The following KIF1A variants were observed in gnomAD, a reference collection of about 807,000 sequenced individuals.
KIF1A encodes the protein kinesin-like protein KIF1A.
Under a neutral mutation model 227.3 loss-of-function variants are expected in KIF1A, and 46 were observed. The observed-to-expected ratio is 0.20, with a 90% confidence interval of 0.16 to 0.26. The LOEUF (loss-of-function observed/expected upper bound fraction) is 0.26. Ranked by LOEUF, KIF1A falls within the 10% of genes least tolerant of loss-of-function variation. The pLI, the probability that KIF1A is intolerant of heterozygous loss-of-function variation, is 1.00. For synonymous variants in KIF1A, 1,022 were observed against 1,012.8 expected (o/e 1.01, Z -0.17); for missense variants, 1,683 against 2,485.9 (o/e 0.68, Z 6.87).
At chr2:240,818,467 G>A (rs1466356758) in intron 1 of KIF1A, among the ~76,000 whole-genome samples, 2 of 152,290 alleles carry the variant, frequency 1.3e-5, no homozygotes, top group Admixed American at 1.3e-4. Flanking sequence ...TGTGTTCAGT[G>A]CAAGGGCAGA....
chr2:240,815,257 C>G (rs2058234361), intron 1 of KIF1A, among the ~76,000 whole-genome samples: 1 of 152,202 alleles, frequency 6.6e-6, no homozygotes, highest in South Asian at 2.1e-4. Context: ...CTGTCCTGCA[C>G]CATCCTGGCT....
intron 20 of KIF1A, among the ~76,000 whole-genome samples, chr2:240,764,565 G>T (rs2050915004): frequency 6.6e-6 from 1 of 152,138 alleles, no homozygotes; most frequent in African/African-American, 2.4e-5. Context: ...TAGAAGTGGG[G>T]CCACTGGGTG....
chr2:240,743,018 G>C, intron 33 of KIF1A, 34 bp from the exon 34 acceptor site: 1 of 1,568,202 alleles, frequency 6.4e-7, no homozygotes, highest in Non-Finnish European at 8.7e-7. Context: ...GGTGTTTGCG[G>C]GACCCTGGGC....
chr2:240,775,717 A>G lies in KIF1A; in HGVS notation c.958+134T>C. Reference sequence around the variant, plus strand: ...GGGCCACGAACTGACTGGACCCTCCAGGTTCACCTCCCAGCCTCAGCCCAG... The same window carrying G: ...GGGCCACGAACTGACTGGACCCTCCGGGTTCACCTCCCAGCCTCAGCCCAG... On this transcript the variant is annotated intron_variant, in intron 11 of 48. Transcript: ENST00000498729. The surrounding 1 kb of genome is among the most constrained non-coding windows in gnomAD (Gnocchi z 5.5). The G allele has an allele frequency of 1.5e-6, 1 of 663,870 alleles. No homozygotes were observed. The highest frequency in any genetic ancestry group is 2.8e-6 in the Non-Finnish European group (1 of 363,536). 41.1% of individuals were successfully genotyped at this position (663,870 alleles called of 1,614,324 possible).
intron 2 of KIF1A, among the ~76,000 whole-genome samples, chr2:240,795,243 T>A (rs755564674): frequency 8.5e-5 from 13 of 152,320 alleles, no homozygotes; most frequent in South Asian, 2.1e-4. Flanking sequence ...GAGCAGAGGC[T>A]GCTGGCACAT....
Position 240,714,721 on chromosome 2 carries a change from A to G in KIF1A, c.*2643T>C, listed in dbSNP as rs1575505634. Reference sequence around the variant, plus strand: ...GGCAGAGCGAACTTTTCAAGAAGCCAGGTGTCCTGACTCAGGCGGCCTCCT... The same window carrying G: ...GGCAGAGCGAACTTTTCAAGAAGCCGGGTGTCCTGACTCAGGCGGCCTCCT... On this transcript the variant is annotated 3_prime_UTR_variant, in exon 49 of 49. Coordinates refer to ENST00000498729, the MANE Select transcript of KIF1A (RefSeq NM_001244008.2). The G allele has an allele frequency of 6.6e-6, 1 of 152,250 alleles. No individual in the cohort carries two copies. The highest frequency in any genetic ancestry group is 1.5e-5 in the Non-Finnish European group (1 of 68,078). The allele number at this position is 152,250 out of a possible 1,614,324, so 9.4% of individuals were successfully genotyped here.
In KIF1A at chr2:240,792,185, G is replaced by C. The variant is rs2055798840; in HGVS notation, c.107-2873C>G. On this transcript the variant is annotated intron_variant, in intron 2 of 48. Transcript: ENST00000498729. The surrounding 1 kb of genome is among the most constrained non-coding windows in gnomAD (Gnocchi z 4.5). ...CACCTCCCAGCCCTGAGGTCCGCCA[G>C]GCCTGTGGAGACAGGCAGCCCCTCC... Among the ~76,000 whole-genome samples the C allele has an allele frequency of 6.6e-6, 1 of 152,214 alleles. No homozygotes were observed. Among genetic ancestry groups the C allele is most frequent in the Non-Finnish European group, 1.5e-5 (1 of 68,032 alleles).
Position 240,750,509 on chromosome 2 carries a change from G to A in KIF1A, c.2897C>T (p.Pro966Leu). Residue 966 changes from proline (P) to leucine (L), a missense_variant, in exon 28 of 49, where the codon CCC becomes CTC. Coordinates refer to ENST00000498729, the MANE Select transcript of KIF1A (RefSeq NM_001244008.2). Reference sequence around the variant, plus strand: ...GACGATTGCCACACGGTGTACCAGGGGAACGGGGTACAGCAGGTTGCTCAG... The same window carrying A: ...GACGATTGCCACACGGTGTACCAGGAGAACGGGGTACAGCAGGTTGCTCAG... ...VYLSNLLYPV[P>L]LVHRVAIVSE... 6.2e-7 allele frequency: 1 copy of A among 1,613,928 alleles called. No homozygotes were observed. The highest frequency in any genetic ancestry group is 8.5e-7 in the Non-Finnish European group (1 of 1,179,812).
rs928689722 is a variant in KIF1A at position 240,778,502 on chromosome 2, G to A, written c.883-2576C>T. 2.1e-5 allele frequency among the ~76,000 whole-genome samples: 2 copies of A among 93,808 alleles called. No homozygotes were observed. Among genetic ancestry groups the A allele is most frequent in the Admixed American group, 9.7e-5 (1 of 10,348 alleles). The allele number at this position is 93,808 out of a possible 152,430, so 61.5% of individuals were successfully genotyped here. A position where few individuals can be genotyped will look rare whatever the true frequency, so the allele number is the denominator to read the frequency against. ...CTCTCAGCAGGCGCTCGCAGCTCCCGCACAGCGTTACACACACACACACAC... is the reference window on the plus strand; with the variant it reads ...CTCTCAGCAGGCGCTCGCAGCTCCCACACAGCGTTACACACACACACACAC... On this transcript the variant is annotated intron_variant, in intron 10 of 48. Transcript: ENST00000498729. This position sits in a 1 kb window ranked among gnomAD's most constrained non-coding sequence, Gnocchi z 7.2.
rs886735081 is a variant in KIF1A at position 240,736,650 on chromosome 2, C to T, written c.4007+413G>A. Reference sequence around the variant, plus strand: ...GCCTGTGCCAAGCAGTGCCTATGGGCGCCCACCCCAGCTGCTCCACCTCTA... The same window carrying T: ...GCCTGTGCCAAGCAGTGCCTATGGGTGCCCACCCCAGCTGCTCCACCTCTA... On this transcript the variant is annotated intron_variant, in intron 38 of 48. Coordinates refer to ENST00000498729, the MANE Select transcript of KIF1A (RefSeq NM_001244008.2). This position sits in a 1 kb window ranked among gnomAD's most constrained non-coding sequence, Gnocchi z 4.7. 3.9e-5 allele frequency among the ~76,000 whole-genome samples: 6 copies of T among 152,194 alleles called. No homozygotes were observed. The highest frequency in any genetic ancestry group is 5.9e-5 in the Non-Finnish European group (4 of 68,040).
At position 240,792,007 on chromosome 2, in the gene KIF1A, A is replaced by C. The variant is rs1461238921; in HGVS notation, c.107-2695T>G. On this transcript the variant is annotated intron_variant, in intron 2 of 48. Transcript: ENST00000498729. This position sits in a 1 kb window ranked among gnomAD's most constrained non-coding sequence, Gnocchi z 4.5. ...GCCATGTATTGTGTCTGGGAGCCCC[A>C]CCCCACCCTGGCCCTGCCACCCCTC... is the stretch of plus-strand genomic sequence containing the variant. Among the ~76,000 whole-genome samples the C allele has an allele frequency of 1.3e-4, 15 of 112,816 alleles. No homozygotes were observed. Among genetic ancestry groups the C allele is most frequent in the South Asian group, 3.1e-4 (1 of 3,254 alleles). 74.0% of individuals were successfully genotyped at this position (112,816 alleles called of 152,430 possible). A position where few individuals can be genotyped will look rare whatever the true frequency, so the allele number is the denominator to read the frequency against.
At chr2:240,771,466 G>A (rs982126465) in intron 14 of KIF1A, among the ~76,000 whole-genome samples, 12 of 152,040 alleles carry the variant, frequency 7.9e-5, no homozygotes, top group Non-Finnish European at 1.0e-4. Flanking sequence ...GAGCTCCCCT[G>A]CACCCCCTGC....
rs775791192 is a variant in KIF1A, at chr2:240,788,232, TGGA to T, written c.184-5_184-3del. 4 of 1,613,256 alleles carry T rather than the reference TGGA, an allele frequency of 2.5e-6. No individual in the cohort carries two copies. In the East Asian group the frequency reaches 8.9e-5, roughly 36 times the overall value. ...CGACGCGTAGTTGATGTCCTCAGGCTGGAGGACGAGGAAGGAATGAAGTTGCAG... is the reference window on the plus strand; with the variant it reads ...CGACGCGTAGTTGATGTCCTCAGGCTGGACGAGGAAGGAATGAAGTTGCAG... On this transcript the variant is annotated splice_polypyrimidine_tract_variant and splice_region_variant and intron_variant, in intron 3 of 48. Transcript: ENST00000498729. This position sits in a 1 kb window ranked among gnomAD's most constrained non-coding sequence, Gnocchi z 6.6.
intron 10 of KIF1A, among the ~76,000 whole-genome samples, chr2:240,777,968 C>T (rs1048526324): frequency 2.0e-5 from 3 of 152,114 alleles, no homozygotes; most frequent in Admixed American, 6.5e-5. Context: ...CAGTCCCGCA[C>T]GCTCAAGCAC....
At chr2:240,760,525 A>G in intron 25 of KIF1A, 140 bp downstream of exon 25, 1 of 573,440 alleles carries the variant, frequency 1.7e-6, no homozygotes, top group South Asian at 4.7e-5. Context: ...TTTTCTTCTG[A>G]TTTTAAAATA....
rs1258949927 is a variant in KIF1A, at chr2:240,758,283, C to A, written c.2582+77G>T. 4.0e-6 allele frequency: 6 copies of A among 1,508,256 alleles called. No homozygotes were observed. Among genetic ancestry groups the A allele is most frequent in the Non-Finnish European group, 5.4e-6 (6 of 1,116,494 alleles). The allele number at this position is 1,508,256 out of a possible 1,614,324, so 93.4% of individuals were successfully genotyped here. On this transcript the variant is annotated intron_variant, in intron 26 of 48. Coordinates refer to ENST00000498729, the MANE Select transcript of KIF1A (RefSeq NM_001244008.2). The surrounding 1 kb of genome is among the most constrained non-coding windows in gnomAD (Gnocchi z 5.2). ...GTCAGGGCCGCTCCTTGTATCAGGC[C>A]AGGGCCCACTCCTACCCCCACTGCC...
At chr2:240,772,981 G>C (rs990804803) in intron 13 of KIF1A, 133 bp downstream of exon 13, 2 of 930,806 alleles carry the variant, frequency 2.1e-6, no homozygotes, top group Non-Finnish European at 3.1e-6. Context: ...CTCTGGGAGC[G>C]GTGTGGAGCT....
In KIF1A at chr2:240,790,437, G is replaced by A. The variant is rs2055520623; in HGVS notation, c.107-1125C>T. Among the ~76,000 whole-genome samples the A allele has an allele frequency of 6.6e-6, 1 of 152,068 alleles. No individual in the cohort carries two copies. The highest frequency in any genetic ancestry group is 6.5e-5 in the Admixed American group (1 of 15,272). ...TGGTTTTCCTCAGCCAGCGTGGGCT[G>A]GGGGCCAGCGGCACAGCCTCCAGTA... On this transcript the variant is annotated intron_variant, in intron 2 of 48. Coordinates refer to ENST00000498729, the MANE Select transcript of KIF1A (RefSeq NM_001244008.2). This position sits in a 1 kb window ranked among gnomAD's most constrained non-coding sequence, Gnocchi z 5.0.
chr2:240,808,768 C>T (rs62187839), intron 1 of KIF1A, among the ~76,000 whole-genome samples: 42,977 of 151,748 alleles, frequency 0.28, 7,300 homozygotes, highest in South Asian at 0.51. Context: ...CTCACACCGT[C>T]GCCTGGGATT....
Sources: allele counts gnomAD v4.1 joint callset (sites outside exome capture counted in the v4.1 genomes callset), GRCh38; gene constraint gnomAD v4.1.1; non-coding constraint Gnocchi (gnomAD v3.1); transcripts MANE v1.5; gene names NCBI Gene and HGNC (gene_info 2026-07-23, HGNC 2026-07-21).